The following JPH3 variants were observed in gnomAD, a reference collection of about 807,000 sequenced individuals.
The protein encoded by JPH3 is junctophilin-3.
Under a neutral mutation model 59.6 loss-of-function variants are expected in JPH3, and 11 were observed. The ratio of observed to expected loss-of-function variants is 0.18; its 90% CI spans 0.12 to 0.31. JPH3 has a LOEUF of 0.31. Among genes scored for constraint, JPH3 ranks in the 10% least tolerant of loss-of-function variants. The probability of loss-of-function intolerance (pLI) is 1.00; values close to 1 mark genes in which losing one functional copy is unlikely to be tolerated. For missense variants in JPH3, 1,202 were observed against 1,105.7 expected, an observed-to-expected ratio of 1.09 and a Z score of -1.24; for synonymous variants, 673 against 483.6, an observed-to-expected ratio of 1.39 and a Z score of -5.14.
At chr16:87,692,636 A>G (rs2033626382) in intron 4 of JPH3, among the ~76,000 whole-genome samples, 1 of 152,196 alleles carries the variant, frequency 6.6e-6, no homozygotes, top group Non-Finnish European at 1.5e-5. Context: ...TGGCCCGTGT[A>G]GGGCCCTGGC....
At position 87,602,522 on chromosome 16, in the gene JPH3, G is replaced by T. The variant is rs1267836711; in HGVS notation, c.-625G>T. Among the ~76,000 whole-genome samples the T allele has an allele frequency of 5.0e-5, 7 of 140,028 alleles. No homozygotes were observed. The highest frequency in any genetic ancestry group is 5.1e-5 in the African/African-American group (2 of 39,264). 91.9% of individuals were successfully genotyped at this position (140,028 alleles called of 152,430 possible). ...CCGCGCGGCCCGAGCGCGCGAGCCG[G>T]GCCCGGAGCGCACGCCGCCGCCGCC... On this transcript the variant is annotated 5_prime_UTR_variant, in exon 1 of 5. Coordinates refer to ENST00000284262, the MANE Select transcript of JPH3 (RefSeq NM_020655.4).
At chr16:87,671,888 C>G (rs112728011) in intron 2 of JPH3, among the ~76,000 whole-genome samples, 12,586 of 152,280 alleles carry the variant, frequency 0.083, 635 homozygotes, top group South Asian at 0.15. Context: ...AGTAAAAAGG[C>G]GAACTGGGAG....
intron 1 of JPH3, among the ~76,000 whole-genome samples, chr16:87,626,639 G>C (rs1223394120): frequency 6.6e-6 from 1 of 152,254 alleles, no homozygotes; most frequent in African/African-American, 2.4e-5. Flanking sequence ...CTCGGCCTGA[G>C]GCCGCCACAC....
chr16:87,662,397 C>G (rs1310516609), intron 2 of JPH3, among the ~76,000 whole-genome samples: 2 of 152,054 alleles, frequency 1.3e-5, no homozygotes. Flanking sequence ...ATTTTCCCCT[C>G]TGCCTGACTT....
At chr16:87,693,033 C>T (rs1287248511) in intron 4 of JPH3, among the ~76,000 whole-genome samples, 1 of 152,252 alleles carries the variant, frequency 6.6e-6, no homozygotes, top group Non-Finnish European at 1.5e-5. Context: ...TCTCTGCCCC[C>T]TGCAGGCTGG....
rs190908877 is a variant in JPH3 at position 87,686,523 on chromosome 16, G to A, written c.1285+2257G>A. ...AATCCTGGAGTCAGAGATGTTTCCC[G>A]GAGGGCTCAGTCCTGGAGTCAGAGA... On this transcript the variant is annotated intron_variant, in intron 3 of 4. Coordinates refer to ENST00000284262, the MANE Select transcript of JPH3 (RefSeq NM_020655.4). Among the ~76,000 whole-genome samples, 159 of 145,212 alleles carry A rather than the reference G, an allele frequency of 1.1e-3. 8 individuals are homozygous for A. Among genetic ancestry groups the A allele is most frequent in the African/African-American group, 3.7e-3 (143 of 38,582 alleles).
chr16:87,652,007 C>T (rs1013285690), intron 2 of JPH3, among the ~76,000 whole-genome samples: 6 of 152,132 alleles, frequency 3.9e-5, no homozygotes, highest in East Asian at 1.9e-4. Flanking sequence ...TGGAGTCTCG[C>T]TCTGTTGCCC....
chr16:87,604,061 C>A (rs1330599355), intron 1 of JPH3: 1 of 985,026 alleles, frequency 1.0e-6, no homozygotes, highest in Non-Finnish European at 1.2e-6. Context: ...CCAACCCGAA[C>A]CAAAACAGCC....
rs114406403 is a variant in JPH3 at position 87,657,948 on chromosome 16, C to T, written c.1160+12913C>T. Among the ~76,000 whole-genome samples the T allele has an allele frequency of 3.9e-3, 591 of 152,298 alleles. 5 individuals carry two copies. The highest frequency in any genetic ancestry group is 0.014 in the African/African-American group (567 of 41,556). ...TGGCTGCCAGGGGATGGACAGCTGT[C>T]TCTACCAACCTGGCCTCACAGTGGT... On this transcript the variant is annotated intron_variant, in intron 2 of 4. Coordinates refer to ENST00000284262, the MANE Select transcript of JPH3 (RefSeq NM_020655.4).
intron 2 of JPH3, among the ~76,000 whole-genome samples, chr16:87,673,443 C>T (rs542169367): frequency 6.6e-6 from 1 of 152,166 alleles, no homozygotes; most frequent in Admixed American, 6.5e-5. Flanking sequence ...AAGTTCAGAC[C>T]CCAGGAACAT....
At chr16:87,689,539 C>T (rs544540642) in intron 3 of JPH3, 107 bp from the exon 4 acceptor site, 152 of 1,208,280 alleles carry the variant, frequency 1.3e-4, no homozygotes, top group Non-Finnish European at 1.7e-4. Flanking sequence ...GTGGGAAGCG[C>T]CTCTGCTGCC....
chr16:87,603,975 C>G, intron 1 of JPH3: 1 of 634,870 alleles, frequency 1.6e-6, no homozygotes, highest in Non-Finnish European at 2.0e-6. Flanking sequence ...CTGCGGCGCC[C>G]GAGGGCCTTC....
At chr16:87,681,169 G>A (rs1299310357) in intron 2 of JPH3, among the ~76,000 whole-genome samples, 1 of 131,424 alleles carries the variant, frequency 7.6e-6, no homozygotes. Context: ...AGGTGCACGC[G>A]GTGATGACAG....
chr16:87,687,873 G>C (rs1429575537), intron 3 of JPH3, among the ~76,000 whole-genome samples: 1 of 152,208 alleles, frequency 6.6e-6, no homozygotes, highest in East Asian at 1.9e-4. Context: ...CTTGATCCCA[G>C]CCTGCTAGGT....
chr16:87,661,882 G>T (rs557903951), intron 2 of JPH3, among the ~76,000 whole-genome samples: 3 of 152,326 alleles, frequency 2.0e-5, no homozygotes, highest in African/African-American at 7.2e-5. Context: ...GAAGCCTGGG[G>T]TATTTCATTG....
In JPH3 at chr16:87,669,659, G is replaced by A. The variant is rs528104339; in HGVS notation, c.1161-14483G>A. The stretch of plus-strand genomic sequence containing the variant: ...CAGTGAGAGAGGCCTGGCGTGTGGG[G>A]TGGAGGCCGGGACAGTGTGAGGGCC... On this transcript the variant is annotated intron_variant, in intron 2 of 4. Transcript: ENST00000284262. Among the ~76,000 whole-genome samples the A allele has an allele frequency of 4.6e-5, 7 of 152,352 alleles. No individual in the cohort carries two copies. In the East Asian group the frequency reaches 1.2e-3, roughly 25 times the overall value.
At chr16:87,657,268 G>A (rs1462435662) in intron 2 of JPH3, among the ~76,000 whole-genome samples, 2 of 152,232 alleles carry the variant, frequency 1.3e-5, no homozygotes, top group East Asian at 1.9e-4. Flanking sequence ...GCCACGGCAT[G>A]AATGAGCCAG....
chr16:87,690,280 G>C lies in JPH3; in HGVS notation c.1920G>C (p.Gly640=). The change falls in exon 4 of 5, where the codon GGG becomes GGC. Residue 640 remains glycine, a synonymous_variant. Transcript: ENST00000284262. ...YSKGGACRGL[G]DDHRPEDRGF... is the part of the protein sequence containing the mutation. ...AGGGCGGCGCCTGCCGGGGCTTGGG[G>C]GACGACCACCGCCCCGAGGACCGGG... 1 of 1,600,880 alleles carries C rather than the reference G, an allele frequency of 6.2e-7. No individual in the cohort carries two copies. The highest frequency in any genetic ancestry group is 8.5e-7 in the Non-Finnish European group (1 of 1,174,190).
intron 1 of JPH3, among the ~76,000 whole-genome samples, chr16:87,612,528 G>A (rs1296600489): frequency 1.3e-5 from 2 of 152,176 alleles, no homozygotes; most frequent in Non-Finnish European, 2.9e-5. Context: ...AGCGTCTGTA[G>A]CTGGACATCA....
Sources: gnomAD v4.1 joint callset for allele counts (sites outside exome capture counted in the v4.1 genomes callset) on GRCh38, gnomAD v4.1.1 for gene constraint, MANE v1.5 for transcripts, NCBI Gene and HGNC (gene_info 2026-07-23, HGNC 2026-07-21) for gene names.